The following MAGI2 variants were observed in gnomAD, a reference collection of about 807,000 sequenced individuals.
MAGI2 encodes the protein membrane associated guanylate kinase, WW and PDZ domain containing 2.
In MAGI2, 35 loss-of-function variants were observed where a neutral mutation model predicts 133.3. That is an observed-to-expected ratio of 0.26 (90% CI 0.20 to 0.35). The LOEUF (loss-of-function observed/expected upper bound fraction) is 0.35. Ranked by LOEUF, MAGI2 falls within the 10% of genes least tolerant of loss-of-function variation. MAGI2 has a pLI of 1.00. For missense variants in MAGI2, 1,636 were observed against 1,863.4 expected, an observed-to-expected ratio of 0.88 and a Z score of 2.25; for synonymous variants, 729 against 710.6, an observed-to-expected ratio of 1.03 and a Z score of -0.41.
Position 78,685,650 on chromosome 7 carries a change from ATG to A in MAGI2, c.419-58413_419-58412del, listed in dbSNP as rs71827520. 1.5e-4 allele frequency among the ~76,000 whole-genome samples: 22 copies of A among 151,012 alleles called. No individual in the cohort carries two copies. The South Asian group carries it at 1.7e-3, about 11-fold the overall frequency. ...TTATATATACGTAACCTATATATAT[ATG>A]TGTGTGTGTGTGTGTATATATAGGT... is the stretch of plus-strand genomic sequence containing the variant. On this transcript the variant is annotated intron_variant, in intron 2 of 21. Coordinates refer to ENST00000354212, the MANE Select transcript of MAGI2 (RefSeq NM_012301.4).
At chr7:79,054,853 C>T (rs1812999619) in intron 1 of MAGI2, among the ~76,000 whole-genome samples, 1 of 152,202 alleles carries the variant, frequency 6.6e-6, no homozygotes, top group African/African-American at 2.4e-5. Flanking sequence ...TGCAGTGGTG[C>T]AATCTCAGTT....
chr7:78,133,917 C>T (rs576949087), intron 17 of MAGI2, among the ~76,000 whole-genome samples: 95 of 152,262 alleles, frequency 6.2e-4, no homozygotes, highest in Admixed American at 1.3e-3. Context: ...TTCTTCCCCC[C>T]CCTTTTTTCC....
At chr7:78,976,459 G>GTAAATAAA (rs140485157) in intron 2 of MAGI2, among the ~76,000 whole-genome samples, 3,389 of 150,744 alleles carry the variant, frequency 0.022, 114 homozygotes, top group African/African-American at 0.073. Flanking sequence ...AAATAAATAA[G>GTAAATAAA]TAAATAAATA....
intron 2 of MAGI2, among the ~76,000 whole-genome samples, chr7:78,804,328 A>T (rs1021823617): frequency 7.9e-5 from 12 of 152,158 alleles, no homozygotes; most frequent in African/African-American, 2.7e-4. Context: ...AAGGGGGAAA[A>T]GTACAAATAT....
chr7:79,386,921 C>T (rs1481601795), intron 1 of MAGI2, among the ~76,000 whole-genome samples: 1 of 151,972 alleles, frequency 6.6e-6, no homozygotes, highest in East Asian at 1.9e-4. Context: ...AGAGAGTAAG[C>T]CCTCACCAGA....
chr7:79,182,367 G>A lies in MAGI2; in HGVS notation c.302-175161C>T, dbSNP rs1187920202. ...GTGGATGGCAGCAGGAAAAAAGAGA[G>A]CCTGTACAGAGAAACTTCCCTTTTT... On this transcript the variant is annotated intron_variant, in intron 1 of 21. Coordinates refer to ENST00000354212, the MANE Select transcript of MAGI2 (RefSeq NM_012301.4). Among the ~76,000 whole-genome samples, 3 of 151,936 alleles carry A rather than the reference G, an allele frequency of 2.0e-5. No homozygotes were observed. In the East Asian group the frequency reaches 5.8e-4, roughly 29 times the overall value.
At chr7:78,395,098 G>A (rs543330885) in intron 6 of MAGI2, among the ~76,000 whole-genome samples, 8 of 152,278 alleles carry the variant, frequency 5.3e-5, no homozygotes, top group Non-Finnish European at 1.0e-4. Context: ...CTTGGCTTCA[G>A]GGAGAGTCAA....
intron 8 of MAGI2, among the ~76,000 whole-genome samples, chr7:78,344,838 T>C (rs890980097): frequency 6.6e-6 from 1 of 152,260 alleles, no homozygotes; most frequent in African/African-American, 2.4e-5. Flanking sequence ...TGATCTGTAA[T>C]AAATATATTC....
At chr7:78,461,297 C>T (rs1789961443) in intron 6 of MAGI2, among the ~76,000 whole-genome samples, 1 of 151,728 alleles carries the variant, frequency 6.6e-6, no homozygotes. Flanking sequence ...GGTTTGTTTC[C>T]TTATTGGTTT....
At position 79,090,347 on chromosome 7, in the gene MAGI2, CT is replaced by C. The variant is rs1323292088; in HGVS notation, c.302-83142del. On this transcript the variant is annotated intron_variant, in intron 1 of 21. Transcript: ENST00000354212. ...TTTTACTTGATTTTTATAAAAATGT[CT>C]CTCCATAATATAATATACCATAATT... 7.2e-5 allele frequency among the ~76,000 whole-genome samples: 11 copies of C among 151,840 alleles called. No homozygotes were observed. In the East Asian group the frequency reaches 1.9e-3, roughly 27 times the overall value.
chr7:78,370,064 T>C (rs1284452213), intron 6 of MAGI2, among the ~76,000 whole-genome samples: 2 of 152,094 alleles, frequency 1.3e-5, no homozygotes, highest in African/African-American at 2.4e-5. Context: ...AGTTTAAATA[T>C]ATTTCAGTGA....
At chr7:78,722,581 A>G (rs965885520) in intron 2 of MAGI2, among the ~76,000 whole-genome samples, 32 of 152,060 alleles carry the variant, frequency 2.1e-4, no homozygotes, top group African/African-American at 7.7e-4. Flanking sequence ...CTCATCATCA[A>G]AAAAGCCCAG....
chr7:79,129,228 C>T (rs1020990794), intron 1 of MAGI2, among the ~76,000 whole-genome samples: 3 of 152,036 alleles, frequency 2.0e-5, no homozygotes, highest in Non-Finnish European at 4.4e-5. Context: ...TCATATAACA[C>T]GAAGCCTATT....
chr7:78,874,615 A>G (rs1478078361), intron 2 of MAGI2, among the ~76,000 whole-genome samples: 1 of 152,182 alleles, frequency 6.6e-6, no homozygotes, highest in Admixed American at 6.5e-5. Flanking sequence ...GTAGAATATC[A>G]GTTACTAGAG....
Position 79,299,679 on chromosome 7 carries a change from C to CA in MAGI2, c.301+153340dup, listed in dbSNP as rs1837237470. On this transcript the variant is annotated intron_variant, in intron 1 of 21. Coordinates refer to ENST00000354212, the MANE Select transcript of MAGI2 (RefSeq NM_012301.4). ...TTCAAAAAGATTCACTAAAAAAACA[C>CA]AAAAAACGATAATTGATCAGTGATA... Among the ~76,000 whole-genome samples, 4 of 148,782 alleles carry CA rather than the reference C, an allele frequency of 2.7e-5. No homozygotes were observed. In the South Asian group the frequency reaches 8.6e-4, roughly 32 times the overall value.
intron 1 of MAGI2, among the ~76,000 whole-genome samples, chr7:79,013,823 T>TA (rs1808421554): frequency 6.6e-6 from 1 of 152,160 alleles, no homozygotes; most frequent in South Asian, 2.1e-4. Flanking sequence ...CTTCCCCTAA[T>TA]AATTCCCAAT....
At chr7:79,246,057 A>T (rs1832802280) in intron 1 of MAGI2, among the ~76,000 whole-genome samples, 1 of 152,222 alleles carries the variant, frequency 6.6e-6, no homozygotes, top group Non-Finnish European at 1.5e-5. Context: ...GGTGGTATGT[A>T]AGACCTACAG....
intron 3 of MAGI2, among the ~76,000 whole-genome samples, chr7:78,547,496 ATTCATTCATTCATTC>A (rs1329680981): frequency 1.4e-5 from 2 of 147,926 alleles, no homozygotes; most frequent in African/African-American, 2.6e-5. Flanking sequence ...AACAATTTGT[ATTCATTCATTCATTC>A]TTCATTCATT....
At chr7:79,022,106 T>C (rs1379419151) in intron 1 of MAGI2, among the ~76,000 whole-genome samples, 1 of 152,116 alleles carries the variant, frequency 6.6e-6, no homozygotes, top group African/African-American at 2.4e-5. Flanking sequence ...GAACTTTGAG[T>C]CAATTAAACC....
Sources: allele counts gnomAD v4.1 joint callset (sites outside exome capture counted in the v4.1 genomes callset), GRCh38; gene constraint gnomAD v4.1.1; transcripts MANE v1.5; gene names NCBI Gene and HGNC (gene_info 2026-07-23, HGNC 2026-07-21).